Variants in PKM observed in about 807,000 individuals in gnomAD.
The protein encoded by PKM is pyruvate kinase M1/2.
PKM carries 18 observed loss-of-function variants against 49.8 expected under a neutral mutation model. The observed-to-expected ratio is 0.36, with a 90% CI of 0.25 to 0.54. The LOEUF (loss-of-function observed/expected upper bound fraction) is 0.54, where lower values mean the gene tolerates loss of function less well. PKM is among the 20% of genes least tolerant of loss of function. PKM has a pLI of 0.89. For synonymous variants in PKM, 239 were observed against 261.8 expected (o/e 0.91, Z 0.84); for missense variants, 508 against 713.8 (o/e 0.71, Z 3.28).
Position 72,203,788 on chromosome 15 carries a change from C to T in PKM, c.1141-1168G>A, listed in dbSNP as rs117822035. 38 of 155,334 alleles carry T rather than the reference C, an allele frequency of 2.4e-4. 1 individual carries two copies. In the East Asian group the frequency reaches 6.6e-3, roughly 27 times the overall value. 9.6% of individuals were successfully genotyped at this position (155,334 alleles called of 1,614,324 possible). A position where few individuals can be genotyped will look rare whatever the true frequency, so the allele number is the denominator to read the frequency against. ...GAAGCAGGAGAACAGAAAACGTGGG[C>T]TAACTTGTGAGAGGCACACTGAACA... On this transcript the variant is annotated intron_variant, in intron 8 of 10. Transcript: ENST00000335181.
chr15:72,210,741 G>C (rs2082230911), intron 3 of PKM, among the ~76,000 whole-genome samples: 1 of 152,056 alleles, frequency 6.6e-6, no homozygotes, highest in African/African-American at 2.4e-5. Flanking sequence ...TCAGAATATT[G>C]CCACCAAAAC....
At chr15:72,204,375 G>A (rs1424344954) in intron 8 of PKM, 1 of 152,194 alleles carries the variant, frequency 6.6e-6, no homozygotes, top group African/African-American at 2.4e-5. Context: ...CAGCCCTAAA[G>A]TATCTATCTG....
At chr15:72,205,624 G>GTTTTTTTTTT (rs140232218) in intron 8 of PKM, among the ~76,000 whole-genome samples, 15 of 99,704 alleles carry the variant, frequency 1.5e-4, no homozygotes, top group African/African-American at 4.0e-4. Context: ...GGGTGTTTTA[G>GTTTTTTTTTT]TTTTTTTTTT....
Position 72,202,178 on chromosome 15 carries a change from T to C in PKM, c.1307+276A>G. ...CTAAATTTTCAATATCAAATAACCA[T>C]TTGTAGTCAGCCTGTGCACTGTTAT... On this transcript the variant is annotated intron_variant, in intron 9 of 10. Coordinates refer to ENST00000335181, the MANE Select transcript of PKM (RefSeq NM_002654.6). This position sits in a 1 kb window ranked among gnomAD's most constrained non-coding sequence, Gnocchi z 4.5. 1 of 495,246 alleles carries C rather than the reference T, an allele frequency of 2.0e-6. No homozygotes were observed. Among genetic ancestry groups the C allele is most frequent in the Non-Finnish European group, 3.7e-6 (1 of 273,692 alleles). 30.7% of individuals were successfully genotyped at this position (495,246 alleles called of 1,614,324 possible). A position where few individuals can be genotyped will look rare whatever the true frequency, so the allele number is the denominator to read the frequency against.
rs56078893 is a variant in PKM, at chr15:72,213,395, G to C, written c.247-2917C>G. The stretch of plus-strand genomic sequence containing the variant: ...TAACAATGTAACTGAACTTTGAAGG[G>C]GAGACAATTCAGCCACTAAAATCAT... On this transcript the variant is annotated intron_variant, in intron 3 of 10. Coordinates refer to ENST00000335181, the MANE Select transcript of PKM (RefSeq NM_002654.6). Among the ~76,000 whole-genome samples the C allele has an allele frequency of 3.0e-3, 450 of 152,260 alleles. 3 individuals are homozygous for C. The highest frequency in any genetic ancestry group is 0.014 in the Middle Eastern group (4 of 294).
chr15:72,207,301 A>G, intron 6 of PKM, 24 bp from the exon 7 acceptor site: 3 of 1,612,832 alleles, frequency 1.9e-6, no homozygotes, highest in Non-Finnish European at 2.5e-6. Context: ...TTGGGGGGAG[A>G]GAGGTTATAT....
Position 72,209,800 on chromosome 15 carries a change from G to A in PKM, c.438C>T (p.Asn146=), listed in dbSNP as rs10514. ...KGATLKITLD[N]AYMEKCDENI... is the part of the protein sequence containing the mutation. ...TCTCGTCACACTTTTCCATGTAGGC[G>A]TTATCCAGCGTGATTTTGAGAGTGG... The change falls in exon 5 of 11, where the codon AAC becomes AAT. Residue 146 remains asparagine, a synonymous_variant. Coordinates refer to ENST00000335181, the MANE Select transcript of PKM (RefSeq NM_002654.6). 0.072 allele frequency: 115,516 copies of A among 1,613,704 alleles called. 4,578 individuals are homozygous for A. Among genetic ancestry groups the A allele is most frequent in the Middle Eastern group, 0.083 (502 of 6,062 alleles).
At chr15:72,206,351 A>C (rs2082077909) in intron 8 of PKM, 1 of 263,244 alleles carries the variant, frequency 3.8e-6, no homozygotes, top group African/African-American at 2.2e-5. Flanking sequence ...AATAGGGCAA[A>C]GGTACTCAGA....
chr15:72,229,460 C>T, intron 1 of PKM: 2 of 768,258 alleles, frequency 2.6e-6, no homozygotes, highest in Admixed American at 4.7e-5. Flanking sequence ...TGGACCTTCA[C>T]TGTCGGCCTC....
rs1329187999 is a variant in PKM at position 72,199,214 on chromosome 15, G to A, written c.*436C>T. The A allele has an allele frequency of 1.1e-5, 4 of 360,028 alleles. No homozygotes were observed. The highest frequency in any genetic ancestry group is 6.4e-5 in the African/African-American group (3 of 46,972). The allele number at this position is 360,028 out of a possible 1,614,324, so 22.3% of individuals were successfully genotyped here. On this transcript the variant is annotated 3_prime_UTR_variant, in exon 11 of 11. Coordinates refer to ENST00000335181, the MANE Select transcript of PKM (RefSeq NM_002654.6). ...AGCTAGAGAAGCAAGTAAGGGCCAG[G>A]GCCAGAGTCGGCTTCAATGGAACAA...
intron 1 of PKM, among the ~76,000 whole-genome samples, chr15:72,227,571 C>T (rs2082707657): frequency 6.6e-6 from 1 of 151,814 alleles, no homozygotes; most frequent in East Asian, 1.9e-4. Context: ...TGGTGAAACC[C>T]CATCTCTACT....
rs1596719629 is a variant in PKM at position 72,202,395 on chromosome 15, A to C, written c.1307+59T>G. 3 of 1,530,730 alleles carry C rather than the reference A, an allele frequency of 2.0e-6. No individual in the cohort carries two copies. The highest frequency in any genetic ancestry group is 2.7e-6 in the Non-Finnish European group (3 of 1,116,864). 94.8% of individuals were successfully genotyped at this position (1,530,730 alleles called of 1,614,324 possible). On this transcript the variant is annotated intron_variant, in intron 9 of 10. Transcript: ENST00000335181. This position sits in a 1 kb window ranked among gnomAD's most constrained non-coding sequence, Gnocchi z 4.5. ...CATTGTTCAATGGACTGCTCCCAGGACCCCCAAGGTGAGGTACCACTGAGC... is the reference window on the plus strand; with the variant it reads ...CATTGTTCAATGGACTGCTCCCAGGCCCCCCAAGGTGAGGTACCACTGAGC...
chr15:72,207,347 G>T, intron 6 of PKM, 70 bp from the exon 7 acceptor site: 2 of 1,371,454 alleles, frequency 1.5e-6, no homozygotes, highest in Non-Finnish European at 1.0e-6. Flanking sequence ...TAGACAAGAA[G>T]TTTCCCTGGG....
intron 1 of PKM, among the ~76,000 whole-genome samples, chr15:72,226,763 G>A (rs2082681390): frequency 6.6e-6 from 1 of 152,178 alleles, no homozygotes; most frequent in Admixed American, 6.5e-5. Context: ...AAGACTGCTT[G>A]CTGGCATGAG....
In PKM at chr15:72,206,801, G is replaced by C. The variant is rs2082091846; in HGVS notation, c.1067C>G (p.Ala356Gly). Residue 356 changes from alanine to glycine, a missense_variant, in exon 8 of 11, where the codon GCC becomes GGC. Transcript: ENST00000335181. ...TTCTCCAGACAGCATGATGCAGTCG[G>C]CTCCATCCAGGACTGCATTGGCCAC... ...SDVANAVLDG[A>G]DCIMLSGETA... 1.2e-6 allele frequency: 2 copies of C among 1,613,796 alleles called. No homozygotes were observed. The highest frequency in any genetic ancestry group is 2.7e-5 in the African/African-American group (2 of 74,920).
intron 8 of PKM, chr15:72,203,243 C>G (rs897952927): frequency 1.4e-6 from 2 of 1,444,478 alleles, no homozygotes; most frequent in Admixed American, 1.7e-5. Context: ...AGGAAAAAAA[C>G]GAGACACAAC....
At chr15:72,229,489 A>T (rs2082781881) in intron 1 of PKM, 3 of 1,089,418 alleles carry the variant, frequency 2.8e-6, no homozygotes, top group Admixed American at 4.6e-5. Flanking sequence ...CCGTACCAGC[A>T]AAGGTCCAAG....
intron 1 of PKM, among the ~76,000 whole-genome samples, chr15:72,226,301 G>A (rs2082666876): frequency 6.6e-6 from 1 of 152,188 alleles, no homozygotes; most frequent in Non-Finnish European, 1.5e-5. Flanking sequence ...GCCAAGACAG[G>A]TGGATCACGA....
At chr15:72,230,086 G>T (rs1001553736) in intron 1 of PKM, among the ~76,000 whole-genome samples, 1 of 152,132 alleles carries the variant, frequency 6.6e-6, no homozygotes, top group Non-Finnish European at 1.5e-5. Flanking sequence ...CGGCCGCTAC[G>T]TGCAGCCCGG....
Sources: gnomAD v4.1 joint callset for allele counts (sites outside exome capture counted in the v4.1 genomes callset) on GRCh38, gnomAD v4.1.1 for gene constraint, Gnocchi (gnomAD v3.1) non-coding constraint, MANE v1.5 for transcripts, NCBI Gene and HGNC (gene_info 2026-07-23, HGNC 2026-07-21) for gene names.